The following EPM2A variants were observed in gnomAD, a reference collection of about 807,000 sequenced individuals.
EPM2A encodes the protein EPM2A glucan phosphatase, laforin.
EPM2A carries 21 observed loss-of-function variants against 26.5 expected under a neutral mutation model. That is an observed-to-expected ratio of 0.79 (90% CI 0.56 to 1.14). The LOEUF is 1.14. Ranked by LOEUF, EPM2A falls within the 50% of genes most tolerant of loss-of-function variation. The pLI, the probability that EPM2A is intolerant of heterozygous loss-of-function variation, is 0.00. For missense variants in EPM2A, 458 were observed against 440.8 expected (o/e 1.04, Z -0.35); for synonymous variants, 217 against 177.6 (o/e 1.22, Z -1.76).
chr6:145,562,665 A>G (rs6919684), intron 2 of EPM2A, among the ~76,000 whole-genome samples: 68,937 of 151,798 alleles, frequency 0.45, 16,127 homozygotes, highest in South Asian at 0.54. Flanking sequence ...CCCTGCCCAC[A>G]TTAGTTATTC....
downstream of EPM2A, among the ~76,000 whole-genome samples, chr6:145,623,829 A>G (rs1775687705): frequency 6.6e-6 from 1 of 152,112 alleles, no homozygotes; most frequent in African/African-American, 2.4e-5. Flanking sequence ...AAGGAGGAAA[A>G]ACACAGATGC....
intron 4 of EPM2A, among the ~76,000 whole-genome samples, chr6:145,392,624 C>T (rs1232125990): frequency 1.3e-5 from 2 of 152,132 alleles, no homozygotes; most frequent in South Asian, 2.1e-4. Flanking sequence ...ATTCTCCTCC[C>T]TCTGGTCTAA....
At chr6:145,397,886 A>G (rs1778426605) in intron 4 of EPM2A, among the ~76,000 whole-genome samples, 2 of 152,176 alleles carry the variant, frequency 1.3e-5, no homozygotes, top group Non-Finnish European at 1.5e-5. Context: ...CTTAGGCCCA[A>G]GGAAAGACAA....
intron 1 of EPM2A, among the ~76,000 whole-genome samples, chr6:145,714,868 GAATTCAA>G (rs915590271): frequency 1.3e-5 from 2 of 152,166 alleles, no homozygotes; most frequent in Non-Finnish European, 2.9e-5. Flanking sequence ...TAACATGTGG[GAATTCAA>G]GATGAGATTT....
chr6:145,579,063 A>G (rs1781078070), intron 2 of EPM2A, among the ~76,000 whole-genome samples: 1 of 152,090 alleles, frequency 6.6e-6, no homozygotes, highest in Admixed American at 6.5e-5. Context: ...ATGACGAGTT[A>G]ATAGGTGCAG....
At chr6:145,551,985 A>T (rs566464130) in intron 2 of EPM2A, among the ~76,000 whole-genome samples, 1 of 152,110 alleles carries the variant, frequency 6.6e-6, no homozygotes, top group East Asian at 1.9e-4. Flanking sequence ...ATGAAAATTT[A>T]AAAATTAAAC....
intron 2 of EPM2A, among the ~76,000 whole-genome samples, chr6:145,649,675 T>C (rs1159386392): frequency 1.3e-5 from 2 of 152,216 alleles, no homozygotes; most frequent in East Asian, 1.9e-4. Context: ...CAGAAAACTA[T>C]AGCTCATGGG....
At chr6:145,489,475 G>A (rs1779726918) in intron 4 of EPM2A, among the ~76,000 whole-genome samples, 1 of 152,136 alleles carries the variant, frequency 6.6e-6, no homozygotes, top group African/African-American at 2.4e-5. Context: ...TTGAGCTGGG[G>A]AAGAGGAATC....
chr6:145,550,234 A>G (rs1479278178), intron 2 of EPM2A, among the ~76,000 whole-genome samples: 1 of 152,090 alleles, frequency 6.6e-6, no homozygotes, highest in Non-Finnish European at 1.5e-5. Context: ...TCCCCTTCCC[A>G]GGAATTTTAT....
At chr6:145,658,663 C>T (rs1778465063) in intron 2 of EPM2A, among the ~76,000 whole-genome samples, 1 of 151,994 alleles carries the variant, frequency 6.6e-6, no homozygotes, top group South Asian at 2.1e-4. Flanking sequence ...CCTTTTAAGG[C>T]TATTTCACAA....
intron 4 of EPM2A, among the ~76,000 whole-genome samples, chr6:145,434,426 C>A (rs963867039): frequency 6.6e-6 from 1 of 152,020 alleles, no homozygotes; most frequent in Non-Finnish European, 1.5e-5. Context: ...ATATCAAATT[C>A]TTAGACAATG....
rs141975071 is a variant in EPM2A, at chr6:145,627,676, G to A, written c.736C>T (p.Pro246Ser). ...GCATGCAGCAGGCACACCGCCTGGG[G>A]CAGCATCTGTACTCGGCCTGCGGTG... The part of the protein sequence containing the change: ...MSTEGRVQML[P>S]QAVCLLHALL... The change falls in exon 4 of 4, where the codon CCC (proline) becomes TCC (serine). Residue 246 changes from proline (P) to serine (S), a missense_variant. Pro to Ser is a moderately conservative substitution (Grantham distance 74, BLOSUM62 -1). Coordinates refer to ENST00000367519, the MANE Select transcript of EPM2A (RefSeq NM_005670.4). 1.3e-4 allele frequency: 206 copies of A among 1,614,000 alleles called. No individual in the cohort carries two copies. Among genetic ancestry groups the A allele is most frequent in the Non-Finnish European group, 1.5e-4 (174 of 1,180,036 alleles).
chr6:145,481,022 A>C (rs6570687), intron 4 of EPM2A, among the ~76,000 whole-genome samples: 10,697 of 152,106 alleles, frequency 0.07, 1,101 homozygotes, highest in African/African-American at 0.22. Flanking sequence ...AGCATTTGTG[A>C]GCTGGGAACA....
intron 1 of EPM2A, among the ~76,000 whole-genome samples, chr6:145,687,220 T>C (rs2128615390): frequency 1.3e-5 from 2 of 151,914 alleles, no homozygotes; most frequent in African/African-American, 4.8e-5. Context: ...TTAGCTCCCT[T>C]ATAAAAGAGG....
In EPM2A at chr6:145,451,183, A is replaced by G. The variant is rs1779191214; in HGVS notation, c.555+51339T>C. On this transcript the variant is annotated intron_variant, in intron 4 of 4. Coordinates refer to the EPM2A transcript ENST00000638717. ...ACAGTTGTCCAATACATAAATACTT[A>G]CCTGATGAAATCAGTGCTGATCTTA... is the stretch of plus-strand genomic sequence containing the variant. Among the ~76,000 whole-genome samples, 3 of 152,232 alleles carry G rather than the reference A, an allele frequency of 2.0e-5. No homozygotes were observed. The South Asian group carries it at 6.2e-4, about 31-fold the overall frequency.
intron 4 of EPM2A, among the ~76,000 whole-genome samples, chr6:145,491,564 G>A (rs957210594): frequency 1.3e-5 from 2 of 152,120 alleles, no homozygotes; most frequent in Non-Finnish European, 2.9e-5. Flanking sequence ...GGAGCCTGGG[G>A]TTTTTATAGG....
intron 2 of EPM2A, among the ~76,000 whole-genome samples, chr6:145,568,337 T>G (rs969137173): frequency 6.6e-6 from 1 of 151,808 alleles, no homozygotes; most frequent in Non-Finnish European, 1.5e-5. Context: ...TTTTTTTTTT[T>G]TTGACGGAGT....
chr6:145,510,584 CA>C (rs1454757889), intron 2 of EPM2A, among the ~76,000 whole-genome samples: 2 of 152,048 alleles, frequency 1.3e-5, no homozygotes, highest in Non-Finnish European at 2.9e-5. Context: ...TGGGACACGA[CA>C]AAAACAGTGT....
intron 4 of EPM2A, among the ~76,000 whole-genome samples, chr6:145,495,999 C>T (rs1779813848): frequency 6.6e-6 from 1 of 152,170 alleles, no homozygotes; most frequent in Non-Finnish European, 1.5e-5. Flanking sequence ...ATGTCTGGTG[C>T]TTATCAACTC....
Sources: gnomAD v4.1 joint callset for allele counts (sites outside exome capture counted in the v4.1 genomes callset) on GRCh38, gnomAD v4.1.1 for gene constraint, MANE v1.5 for transcripts, NCBI Gene and HGNC (gene_info 2026-07-23, HGNC 2026-07-21) for gene names.